CXADR: variants seen among roughly 807,000 people sequenced by gnomAD.
The protein encoded by CXADR is CXADR cell adhesion molecule, also known as coxsackievirus and adenovirus receptor.
A neutral mutation model predicts 40.3 loss-of-function variants in CXADR; 20 were observed. That is an observed-to-expected ratio of 0.50 (90% CI 0.35 to 0.72). The LOEUF (loss-of-function observed/expected upper bound fraction) is 0.72. Ranked by LOEUF, CXADR falls within the 30% of genes least tolerant of loss-of-function variation. The pLI, the probability that CXADR is intolerant of heterozygous loss-of-function variation, is 0.01. For missense variants in CXADR, 332 were observed against 449.1 expected (o/e 0.74, Z 2.36); for synonymous variants, 150 against 161.3 (o/e 0.93, Z 0.53).
downstream of CXADR, chr21:17,598,535 T>A: frequency 8.5e-7 from 1 of 1,175,502 alleles, no homozygotes; most frequent in Non-Finnish European, 1.2e-6. Context: ...TCAGAAACCT[T>A]GGGCAATGCC....
chr21:17,533,286 A>G (rs973791000), intron 1 of CXADR, among the ~76,000 whole-genome samples: 3 of 152,218 alleles, frequency 2.0e-5, no homozygotes, highest in Non-Finnish European at 2.9e-5. Context: ...AGTTTCACCC[A>G]AACCCCTGAA....
Position 17,513,167 on chromosome 21 carries a change from T to G in CXADR, c.38T>G (p.Val13Gly). The G allele has an allele frequency of 1.5e-6, 2 of 1,361,632 alleles. No homozygotes were observed. Among genetic ancestry groups the G allele is most frequent in the Non-Finnish European group, 1.9e-6 (2 of 1,054,524 alleles). 84.3% of individuals were successfully genotyped at this position (1,361,632 alleles called of 1,614,324 possible). A position where few individuals can be genotyped will look rare whatever the true frequency, so the allele number is the denominator to read the frequency against. Residue 13 changes from valine to glycine, a missense_variant, in exon 1 of 7, where the codon GTA (valine) becomes GGA (glycine). By Grantham distance (109) the Val-to-Gly change is moderately radical. Coordinates refer to ENST00000284878, the MANE Select transcript of CXADR (RefSeq NM_001338.5). ...LLLCFVLLCGVVDFARSLSIT... is the reference protein window; with the variant it reads ...LLLCFVLLCGGVDFARSLSIT... ...CTGTGCTTCGTGCTCCTGTGCGGAGTAGTGGGTGAGTAGGGGCCATGGGGT... is the reference window on the plus strand; with the variant it reads ...CTGTGCTTCGTGCTCCTGTGCGGAGGAGTGGGTGAGTAGGGGCCATGGGGT...
the CXADR span, chr21:17,613,672 C>T: frequency 1.3e-5 from 2 of 152,128 alleles, no homozygotes; most frequent in Admixed American, 6.5e-5. Context: ...CAAGGACTTC[C>T]CAGATGCAAA....
rs2123347301 is a variant in CXADR at position 17,569,604 on chromosome 21, T to C, written c.*3912T>C. On this transcript the variant is annotated 3_prime_UTR_variant, in exon 7 of 7. Transcript: ENST00000284878. Reference sequence around the variant, plus strand: ...GAAGAATAATAAACACATTTGTGAATTGTGGTTCAGTTTATTTATCTTTAG... The same window carrying C: ...GAAGAATAATAAACACATTTGTGAACTGTGGTTCAGTTTATTTATCTTTAG... 1.0e-6 allele frequency: 1 copy of C among 985,076 alleles called. No individual in the cohort carries two copies. The highest frequency in any genetic ancestry group is 6.1e-5 in the Admixed American group (1 of 16,270). 61.0% of individuals were successfully genotyped at this position (985,076 alleles called of 1,614,324 possible).
At chr21:17,545,082 T>G (rs1375448870) in intron 1 of CXADR, among the ~76,000 whole-genome samples, 3 of 144,346 alleles carry the variant, frequency 2.1e-5, no homozygotes, top group Non-Finnish European at 3.0e-5. Flanking sequence ...GTTTTTTTTT[T>G]TTTTTTTTTT....
intron 7 of CXADR, among the ~76,000 whole-genome samples, chr21:17,591,644 G>A (rs747174002): frequency 1.8e-4 from 28 of 151,590 alleles, no homozygotes; most frequent in Admixed American, 3.9e-4. Flanking sequence ...ATAAAATTTA[G>A]AGCTTTGCAG....
the CXADR span, among the ~76,000 whole-genome samples, chr21:17,625,586 C>T: frequency 2.0e-5 from 3 of 152,298 alleles, no homozygotes; most frequent in Admixed American, 2.0e-4. Flanking sequence ...AAGTGTTCAT[C>T]TCTTTCATCT....
intron 2 of CXADR, 37 bp from the exon 3 acceptor site, chr21:17,551,712 T>G (rs781581783): frequency 6.4e-7 from 1 of 1,560,136 alleles, no homozygotes. Flanking sequence ...TTGTGTGTGT[T>G]TGTTTTTCCT....
chr21:17,599,639 C>T, the CXADR span, among the ~76,000 whole-genome samples: 2 of 152,110 alleles, frequency 1.3e-5, no homozygotes, highest in East Asian at 1.9e-4. Context: ...ACCACCACGC[C>T]CAGCTAATTT....
intron 7 of CXADR, among the ~76,000 whole-genome samples, chr21:17,587,374 AT>A (rs1319036007): frequency 6.6e-6 from 1 of 151,966 alleles, no homozygotes; most frequent in African/African-American, 2.4e-5. Flanking sequence ...AAGTGTTCCT[AT>A]TTCTCCACAT....
intron 1 of CXADR, among the ~76,000 whole-genome samples, chr21:17,541,324 G>C (rs1198570566): frequency 6.6e-6 from 1 of 152,022 alleles, no homozygotes; most frequent in East Asian, 1.9e-4. Flanking sequence ...AGGCCGAGGC[G>C]GGCGGATCAC....
intron 7 of CXADR, among the ~76,000 whole-genome samples, chr21:17,580,735 T>A (rs977237576): frequency 3.9e-5 from 6 of 152,164 alleles, no homozygotes; most frequent in South Asian, 2.1e-4. Context: ...ATGTATTTTT[T>A]AAAAAATAAA....
downstream of CXADR, among the ~76,000 whole-genome samples, chr21:17,573,838 C>T (rs1377108414): frequency 5.9e-5 from 9 of 152,142 alleles, no homozygotes; most frequent in Admixed American, 1.3e-4. Flanking sequence ...ACCCAGGAGG[C>T]GGAGGCTGCA....
intron 7 of CXADR, among the ~76,000 whole-genome samples, chr21:17,578,478 C>A (rs2061337255): frequency 6.6e-6 from 1 of 152,212 alleles, no homozygotes; most frequent in Admixed American, 6.5e-5. Context: ...TGAAATCATA[C>A]ATGATGATGG....
chr21:17,630,582 G>A, the CXADR span, among the ~76,000 whole-genome samples: 1 of 149,740 alleles, frequency 6.7e-6, no homozygotes, highest in Non-Finnish European at 1.5e-5. Context: ...GTAACGCAAA[G>A]TCCACATATT....
At chr21:17,604,713 GA>G in the CXADR span, 6 of 1,044,944 alleles carry the variant, frequency 5.7e-6, no homozygotes, top group Non-Finnish European at 7.9e-6. Flanking sequence ...ATCACCTCCA[GA>G]AAAGTATTTC....
intron 7 of CXADR, among the ~76,000 whole-genome samples, chr21:17,578,342 A>G (rs1313545308): frequency 6.6e-6 from 1 of 152,206 alleles, no homozygotes; most frequent in Admixed American, 6.5e-5. Context: ...GTGTGAGGTG[A>G]TAAGTTCTGG....
chr21:17,523,301 T>C (rs760038408), intron 1 of CXADR, among the ~76,000 whole-genome samples: 8 of 152,222 alleles, frequency 5.3e-5, no homozygotes, highest in Non-Finnish European at 1.2e-4. Flanking sequence ...GGGAAAGTTA[T>C]GCTAGACAGG....
the CXADR span, chr21:17,609,283 A>G: frequency 1.1e-6 from 1 of 870,576 alleles, no homozygotes; most frequent in South Asian, 1.9e-5. Context: ...TCTTTGGCTT[A>G]TATCTGAAGT....
Sources: allele counts gnomAD v4.1 joint callset (sites outside exome capture counted in the v4.1 genomes callset), GRCh38; gene constraint gnomAD v4.1.1; transcripts MANE v1.5; gene names NCBI Gene and HGNC (gene_info 2026-07-23, HGNC 2026-07-21).